The following ZNF783 variants were observed in gnomAD, a reference collection of about 807,000 sequenced individuals.
ZNF783 encodes the protein zinc finger protein 783.
A neutral mutation model predicts 31.3 loss-of-function variants in ZNF783; 25 were observed. That is an observed-to-expected ratio of 0.80 (90% CI 0.58 to 1.11). ZNF783 has a LOEUF of 1.11. Among genes scored for constraint, ZNF783 ranks in the 50% most tolerant of loss-of-function variants. The pLI is 0.00. For synonymous variants in ZNF783, 369 were observed against 319.1 expected (o/e 1.16, Z -1.66); for missense variants, 797 against 760.0 (o/e 1.05, Z -0.57).
At position 149,282,384 on chromosome 7, in the gene ZNF783, C is replaced by T; in HGVS notation, c.*41C>T. On this transcript the variant is annotated 3_prime_UTR_variant, in exon 6 of 6. Transcript: ENST00000434415. ...CAGAGGACCCCTGGCGGGGTCTCTC[C>T]CCTGTGCCTGACGCAGGTTCTTCCT... 7.1e-7 allele frequency: 1 copy of T among 1,404,396 alleles called. No individual in the cohort carries two copies. The highest frequency in any genetic ancestry group is 9.3e-7 in the Non-Finnish European group (1 of 1,071,628). 87.0% of individuals were successfully genotyped at this position (1,404,396 alleles called of 1,614,324 possible).
At position 149,282,397 on chromosome 7, in the gene ZNF783, G is replaced by T; in HGVS notation, c.*54G>T. ...GCGGGGTCTCTCCCCTGTGCCTGAC[G>T]CAGGTTCTTCCTTTTCCTGGGATGG... On this transcript the variant is annotated 3_prime_UTR_variant, in exon 6 of 6. Coordinates refer to ENST00000434415, the MANE Select transcript of ZNF783 (RefSeq NM_001195220.2). 4.4e-6 allele frequency: 6 copies of T among 1,357,782 alleles called. No homozygotes were observed. Among genetic ancestry groups the T allele is most frequent in the Non-Finnish European group, 5.8e-6 (6 of 1,032,078 alleles). 84.1% of individuals were successfully genotyped at this position (1,357,782 alleles called of 1,614,324 possible). A position where few individuals can be genotyped will look rare whatever the true frequency, so the allele number is the denominator to read the frequency against.
chr7:149,266,605 C>G lies in ZNF783; in HGVS notation c.295C>G (p.Leu99Val). The G allele has an allele frequency of 6.2e-7, 1 of 1,614,162 alleles. No homozygotes were observed. The change falls in exon 2 of 6, where the codon CTG becomes GTG. Residue 99 changes from leucine to valine, a missense_variant. Coordinates refer to ENST00000434415, the MANE Select transcript of ZNF783 (RefSeq NM_001195220.2). Reference protein sequence around the residue: ...GNQLEGKWAVLGTLLQEYGLL... With the variant: ...GNQLEGKWAVVGTLLQEYGLL... ...CCAGCTGGAGGGCAAGTGGGCCGTG[C>G]TGGGGACCTTGCTGCAGGAGTACGG...
At position 149,271,858 on chromosome 7, in the gene ZNF783, C is replaced by A. The variant is rs112637402; in HGVS notation, c.673+4636C>A. The stretch of plus-strand genomic sequence containing the variant: ...GATTATGTACAGATCTTCCTCAGTT[C>A]TTCTGTGGATTCAGAATGTTCTGTG... On this transcript the variant is annotated intron_variant, in intron 4 of 5. Transcript: ENST00000434415. 6.0e-3 allele frequency among the ~76,000 whole-genome samples: 907 copies of A among 152,196 alleles called. 6 individuals are homozygous for A. Among genetic ancestry groups the A allele is most frequent in the South Asian group, 0.017 (83 of 4,828 alleles).
At chr7:149,280,654 G>T (rs894353956) in intron 5 of ZNF783, among the ~76,000 whole-genome samples, 1 of 152,208 alleles carries the variant, frequency 6.6e-6, no homozygotes, top group Non-Finnish European at 1.5e-5. Flanking sequence ...CTGTTCACGT[G>T]GTCTTGGCGT....
At chr7:149,270,449 T>C (rs955844113) in intron 4 of ZNF783, among the ~76,000 whole-genome samples, 1 of 152,258 alleles carries the variant, frequency 6.6e-6, no homozygotes, top group Non-Finnish European at 1.5e-5. Context: ...AAAGGCAGAA[T>C]GGATGCTTAA....
chr7:149,281,788 C>G lies in ZNF783; in HGVS notation c.1086C>G (p.Ile362Met), dbSNP rs1224186448. Reference sequence around the variant, plus strand: ...GCGGGCAGAGCTTCCGCCTGAAGATCAATCTGACGATTCATCAGCGGACCC... The same window carrying G: ...GCGGGCAGAGCTTCCGCCTGAAGATGAATCTGACGATTCATCAGCGGACCC... ...PDCGQSFRLKINLTIHQRTHV... is the reference protein window; with the variant it reads ...PDCGQSFRLKMNLTIHQRTHV... Residue 362 changes from isoleucine (I) to methionine (M), a missense_variant, in exon 6 of 6, where the codon ATC becomes ATG. By Grantham distance (10) the Ile-to-Met change is conservative. Coordinates refer to ENST00000434415, the MANE Select transcript of ZNF783 (RefSeq NM_001195220.2). The G allele has an allele frequency of 9.9e-6, 15 of 1,515,146 alleles. No individual in the cohort carries two copies. The highest frequency in any genetic ancestry group is 1.4e-5 in the African/African-American group (1 of 71,304). 93.9% of individuals were successfully genotyped at this position (1,515,146 alleles called of 1,614,324 possible).
chr7:149,274,646 G>A (rs767060259), intron 4 of ZNF783, among the ~76,000 whole-genome samples: 3 of 152,246 alleles, frequency 2.0e-5, no homozygotes, highest in South Asian at 2.1e-4. Flanking sequence ...GATTACAGGC[G>A]TGAGCCGCCG....
chr7:149,270,954 G>GT (rs1399626714), intron 4 of ZNF783, among the ~76,000 whole-genome samples: 4 of 151,986 alleles, frequency 2.6e-5, no homozygotes, highest in Admixed American at 6.6e-5. Flanking sequence ...ATGTTCTTTG[G>GT]TTTTTTTTCT....
Position 149,282,116 on chromosome 7 carries a change from G to A in ZNF783, c.1414G>A (p.Gly472Ser), listed in dbSNP as rs780099851. The change falls in exon 6 of 6, where the codon GGC (glycine) becomes AGC (serine). Residue 472 changes from glycine (G) to serine (S), a missense_variant. By Grantham distance (56) the Gly-to-Ser change is moderately conservative. Coordinates refer to ENST00000434415, the MANE Select transcript of ZNF783 (RefSeq NM_001195220.2). ...GGGCTGGCCCGCCTGCCCCTACTGC[G>A]GCAAGGCCTTCCGCCGGCCCTCGGA... ...GQGWPACPYCGKAFRRPSDLF... is the reference protein window; with the variant it reads ...GQGWPACPYCSKAFRRPSDLF... 4 of 1,598,640 alleles carry A rather than the reference G, an allele frequency of 2.5e-6. No individual in the cohort carries two copies. The highest frequency in any genetic ancestry group is 1.7e-5 in the Admixed American group (1 of 59,928).
In ZNF783 at chr7:149,284,353, G is replaced by A. The variant is rs1009076644; in HGVS notation, c.*2010G>A. The stretch of plus-strand genomic sequence containing the variant: ...ATGGTAGCATTGCTGTCATCTCTGG[G>A]AGGAGAGTGAGTATACAAGTCAGTG... On this transcript the variant is annotated 3_prime_UTR_variant, in exon 6 of 6. Coordinates refer to ENST00000434415, the MANE Select transcript of ZNF783 (RefSeq NM_001195220.2). 1 of 152,286 alleles carries A rather than the reference G, an allele frequency of 6.6e-6. No homozygotes were observed. The highest frequency in any genetic ancestry group is 6.5e-5 in the Admixed American group (1 of 15,288). The allele number at this position is 152,286 out of a possible 1,614,324, so 9.4% of individuals were successfully genotyped here.
intron 4 of ZNF783, among the ~76,000 whole-genome samples, chr7:149,270,722 G>A (rs1797189961): frequency 6.6e-6 from 1 of 152,114 alleles, no homozygotes; most frequent in Non-Finnish European, 1.5e-5. Flanking sequence ...ACACCATAAG[G>A]TGTGCCAGAT....
At chr7:149,263,290 G>A (rs201042148) in intron 1 of ZNF783, among the ~76,000 whole-genome samples, 84 of 85,086 alleles carry the variant, frequency 9.9e-4, no homozygotes, top group African/African-American at 3.8e-3. Context: ...GTGTGTGTGT[G>A]TGTGTGTGTG....
At chr7:149,271,033 G>A (rs1453687216) in intron 4 of ZNF783, among the ~76,000 whole-genome samples, 2 of 152,108 alleles carry the variant, frequency 1.3e-5, no homozygotes, top group Admixed American at 6.6e-5. Context: ...CCACCTCCCG[G>A]GTTCATGCCA....
intron 4 of ZNF783, among the ~76,000 whole-genome samples, chr7:149,268,210 C>T (rs1303910641): frequency 1.3e-5 from 2 of 152,146 alleles, no homozygotes; most frequent in African/African-American, 4.8e-5. Context: ...GACCACATAC[C>T]ATGATCACAC....
intron 4 of ZNF783, 141 bp downstream of exon 4, chr7:149,267,363 A>C: frequency 1.7e-6 from 2 of 1,182,942 alleles, no homozygotes; most frequent in East Asian, 2.6e-5. Flanking sequence ...ACTCTGTACA[A>C]GGCCACCCTG....
Position 149,275,355 on chromosome 7 carries a change from T to C in ZNF783, c.674-3044T>C, listed in dbSNP as rs551455946. On this transcript the variant is annotated intron_variant, in intron 4 of 5. Transcript: ENST00000434415. Reference sequence around the variant, plus strand: ...TTAGACGGAGTTTCGCTCTGTTGCCTAGGCTGGAGTGCAGTGGCGCGATCT... The same window carrying C: ...TTAGACGGAGTTTCGCTCTGTTGCCCAGGCTGGAGTGCAGTGGCGCGATCT... Among the ~76,000 whole-genome samples, 58 of 151,668 alleles carry C rather than the reference T, an allele frequency of 3.8e-4. 1 individual carries two copies. In the East Asian group the frequency reaches 0.01, roughly 27 times the overall value.
intron 5 of ZNF783, among the ~76,000 whole-genome samples, chr7:149,279,632 GT>G (rs764203926): frequency 0.17 from 16,799 of 100,272 alleles, 1,008 homozygotes; most frequent in Non-Finnish European, 0.22. Flanking sequence ...TTTTATCTTT[GT>G]TTTTTTTTTT....
intron 5 of ZNF783, among the ~76,000 whole-genome samples, chr7:149,280,391 C>T (rs1040954273): frequency 7.9e-5 from 12 of 151,356 alleles, no homozygotes; most frequent in Non-Finnish European, 1.6e-4. Flanking sequence ...CAGAGCCCCA[C>T]AGGAGTGTGG....
At position 149,282,082 on chromosome 7, in the gene ZNF783, C is replaced by T. The variant is rs1231429002; in HGVS notation, c.1380C>T (p.Gly460=). ...SLLLHQRLHT[G]NGQGWPACPY... is the part of the protein sequence containing the mutation. The stretch of plus-strand genomic sequence containing the variant: ...TGCTGCACCAGCGCCTGCACACCGG[C>T]AATGGCCAGGGCTGGCCCGCCTGCC... Residue 460 remains glycine, a synonymous_variant, in exon 6 of 6, where the codon GGC becomes GGT. Transcript: ENST00000434415. 6.3e-7 allele frequency: 1 copy of T among 1,596,630 alleles called. No homozygotes were observed. The highest frequency in any genetic ancestry group is 8.5e-7 in the Non-Finnish European group (1 of 1,178,886).
Sources: allele counts gnomAD v4.1 joint callset (sites outside exome capture counted in the v4.1 genomes callset), GRCh38; gene constraint gnomAD v4.1.1; transcripts MANE v1.5; gene names NCBI Gene and HGNC (gene_info 2026-07-23, HGNC 2026-07-21).